SCRT2: variants seen among roughly 807,000 people sequenced by gnomAD.
SCRT2 encodes transcriptional repressor scratch 2.
Under a neutral mutation model 3.7 loss-of-function variants are expected in SCRT2, and 2 were observed. The ratio of observed to expected loss-of-function variants is 0.54; its 90% CI spans 0.22 to 1.70. The LOEUF is 1.70. SCRT2 is among the 40% of genes most tolerant of loss of function. SCRT2 has a pLI of 0.19. For synonymous variants in SCRT2, 256 were observed against 220.6 expected, an observed-to-expected ratio of 1.16 and a Z score of -1.42; for missense variants, 456 against 468.5, an observed-to-expected ratio of 0.97 and a Z score of 0.25.
chr20:665,125 A>G lies in SCRT2; in HGVS notation c.134-664T>C, dbSNP rs533627139. Among the ~76,000 whole-genome samples the G allele has an allele frequency of 3.3e-5, 5 of 152,346 alleles. No individual in the cohort carries two copies. The South Asian group carries it at 1.0e-3, about 32-fold the overall frequency. ...TAATCCCCATTTGATGTGTAAGGAA[A>G]TGAACAAAGGTGGGGGAGCATACAG... On this transcript the variant is annotated intron_variant, in intron 1 of 1. Transcript: ENST00000246104. This position sits in a 1 kb window ranked among gnomAD's most constrained non-coding sequence, Gnocchi z 5.0.
chr20:675,653 C>A lies in SCRT2; in HGVS notation c.-52G>T. 8.2e-7 allele frequency: 1 copy of A among 1,217,074 alleles called. No homozygotes were observed. Among genetic ancestry groups the A allele is most frequent in the South Asian group, 3.7e-5 (1 of 26,780 alleles). 75.4% of individuals were successfully genotyped at this position (1,217,074 alleles called of 1,614,324 possible). The stretch of plus-strand genomic sequence containing the variant: ...GGGGAGGCGGCCGGCCGGGCGCGAT[C>A]GGCTGTGTCCGCGCGGGTTTTCAGC... On this transcript the variant is annotated 5_prime_UTR_variant, in exon 1 of 2. Transcript: ENST00000246104. This position sits in a 1 kb window ranked among gnomAD's most constrained non-coding sequence, Gnocchi z 6.9.
At position 663,863 on chromosome 20, in the gene SCRT2, G is replaced by A. The variant is rs754916635; in HGVS notation, c.732C>T (p.His244=). 9.4e-6 allele frequency: 15 copies of A among 1,598,562 alleles called. No homozygotes were observed. The East Asian group carries it at 1.8e-4, about 19-fold the overall frequency. ...AGCGGTCGGCGAAGGCCTTGCCGCAGTGCGCGCAGCCGAACGGCTTTTCGC... is the reference window on the plus strand; with the variant it reads ...AGCGGTCGGCGAAGGCCTTGCCGCAATGCGCGCAGCCGAACGGCTTTTCGC... ...HTGEKPFGCA[H]CGKAFADRSN... The change falls in exon 2 of 2, where the codon CAC becomes CAT. Residue 244 remains histidine, a synonymous_variant. Coordinates refer to ENST00000246104, the MANE Select transcript of SCRT2 (RefSeq NM_033129.4). The surrounding 1 kb of genome is among the most constrained non-coding windows in gnomAD (Gnocchi z 6.9).
In SCRT2 at chr20:663,747, A is replaced by C; in HGVS notation, c.848T>G (p.Leu283Arg). The C allele has an allele frequency of 6.4e-7, 1 of 1,570,542 alleles. No individual in the cohort carries two copies. Residue 283 changes from leucine to arginine, a missense_variant, in exon 2 of 2, where the codon CTC becomes CGC. By Grantham distance (102) the Leu-to-Arg change is moderately radical (BLOSUM62 -2). Transcript: ENST00000246104. This position sits in a 1 kb window ranked among gnomAD's most constrained non-coding sequence, Gnocchi z 6.9. ...CDKSFALKSY[L>R]HKHCEAACAK... ...GCAGGCCGCCTCGCAGTGCTTGTGG[A>C]GGTAGGACTTGAGCGCGAAGCTCTT...
At position 663,507 on chromosome 20, in the gene SCRT2, G is replaced by A. The variant is rs1384563821; in HGVS notation, c.*164C>T. 4 of 554,858 alleles carry A rather than the reference G, an allele frequency of 7.2e-6. No individual in the cohort carries two copies. Among genetic ancestry groups the A allele is most frequent in the East Asian group, 7.6e-5 (2 of 26,230 alleles). The allele number at this position is 554,858 out of a possible 1,614,324, so 34.4% of individuals were successfully genotyped here. A position where few individuals can be genotyped will look rare whatever the true frequency, so the allele number is the denominator to read the frequency against. On this transcript the variant is annotated 3_prime_UTR_variant, in exon 2 of 2. Coordinates refer to ENST00000246104, the MANE Select transcript of SCRT2 (RefSeq NM_033129.4). The surrounding 1 kb of genome is among the most constrained non-coding windows in gnomAD (Gnocchi z 6.9). ...AAGACGGTGTGGAAGTGAGTCGTGG[G>A]TTTGGGGGTTGGGGAGAAAAGTTCC...
chr20:674,491 C>T (rs1270103009), intron 1 of SCRT2, among the ~76,000 whole-genome samples: 1 of 151,600 alleles, frequency 6.6e-6, no homozygotes, highest in Non-Finnish European at 1.5e-5. Context: ...CAAAGGGACA[C>T]CTCCTCTTCA....
At chr20:673,225 G>A (rs954710436) in intron 1 of SCRT2, among the ~76,000 whole-genome samples, 6 of 152,216 alleles carry the variant, frequency 3.9e-5, no homozygotes, top group African/African-American at 9.6e-5. Flanking sequence ...GCCAGGTGGC[G>A]TATGTTCAGT....
intron 1 of SCRT2, among the ~76,000 whole-genome samples, chr20:669,182 A>G (rs1430622098): frequency 6.6e-6 from 1 of 152,144 alleles, no homozygotes; most frequent in Non-Finnish European, 1.5e-5. Flanking sequence ...GTTGTGGAAA[A>G]TGCTTCAGCC....
Position 666,589 on chromosome 20 carries a change from G to A in SCRT2, c.134-2128C>T, listed in dbSNP as rs911521266. ...TGGTGATGGCACTTGCTCCAGGGGT[G>A]GAGCAAGGATTGGAATCCACTGCCC... On this transcript the variant is annotated intron_variant, in intron 1 of 1. Transcript: ENST00000246104. This position sits in a 1 kb window ranked among gnomAD's most constrained non-coding sequence, Gnocchi z 4.4. 1.3e-5 allele frequency among the ~76,000 whole-genome samples: 2 copies of A among 152,198 alleles called. No individual in the cohort carries two copies. The highest frequency in any genetic ancestry group is 4.8e-5 in the African/African-American group (2 of 41,450).
At position 662,717 on chromosome 20, in the gene SCRT2, C is replaced by T. The variant is rs1983998238; in HGVS notation, c.*954G>A. The T allele has an allele frequency of 6.5e-6, 1 of 152,730 alleles. No homozygotes were observed. The highest frequency in any genetic ancestry group is 2.4e-5 in the African/African-American group (1 of 41,466). 9.5% of individuals were successfully genotyped at this position (152,730 alleles called of 1,614,324 possible). ...ATTGGCGAGGTGCTCCAGACCTCCC[C>T]CCAACAAGTAAGGAAGGGGATCTGT... is the stretch of plus-strand genomic sequence containing the variant. On this transcript the variant is annotated 3_prime_UTR_variant, in exon 2 of 2. Transcript: ENST00000246104.
rs764934404 is a variant in SCRT2 at position 664,228 on chromosome 20, C to CCCG, written c.364_366dup (p.Arg122dup). On this transcript the variant is annotated inframe_insertion, in exon 2 of 2. Transcript: ENST00000246104. The surrounding 1 kb of genome is among the most constrained non-coding windows in gnomAD (Gnocchi z 7.9). ...CCCCCCGCGTCCCCGCCGCCCCCGC[C>CCCG]CCGCCGCCGCCGCGAGCGCCCGTCC... The CCCG allele has an allele frequency of 2.5e-5, 33 of 1,299,452 alleles. No individual in the cohort carries two copies. Among genetic ancestry groups the CCCG allele is most frequent in the South Asian group, 7.1e-5 (3 of 42,358 alleles). 80.5% of individuals were successfully genotyped at this position (1,299,452 alleles called of 1,614,324 possible).
In SCRT2 at chr20:664,633, C is replaced by T. The variant is rs1274362668; in HGVS notation, c.134-172G>A. Among the ~76,000 whole-genome samples the T allele has an allele frequency of 6.6e-6, 1 of 152,236 alleles. No homozygotes were observed. Among genetic ancestry groups the T allele is most frequent in the Admixed American group, 6.5e-5 (1 of 15,280 alleles). ...CCTGTCAGGCAGCCTGGGTTCAATT[C>T]CTTCCTCCATCGACGGCAGTGCAAA... is the stretch of plus-strand genomic sequence containing the variant. On this transcript the variant is annotated intron_variant, in intron 1 of 1. Transcript: ENST00000246104. The surrounding 1 kb of genome is among the most constrained non-coding windows in gnomAD (Gnocchi z 7.9).
intron 1 of SCRT2, among the ~76,000 whole-genome samples, chr20:668,457 A>T (rs533440703): frequency 5.9e-5 from 9 of 152,304 alleles, no homozygotes; most frequent in African/African-American, 2.2e-4. Flanking sequence ...TCCCACAGAG[A>T]TAGGGATGAG....
intron 1 of SCRT2, among the ~76,000 whole-genome samples, chr20:674,415 A>T (rs374313746): frequency 0.23 from 31,207 of 135,014 alleles, 4,380 homozygotes; most frequent in Non-Finnish European, 0.31. Flanking sequence ...ACACACACAC[A>T]CACACACACA....
chr20:671,747 A>G (rs1352115897), intron 1 of SCRT2, among the ~76,000 whole-genome samples: 1 of 152,194 alleles, frequency 6.6e-6, no homozygotes, highest in Non-Finnish European at 1.5e-5. Flanking sequence ...ATGTAGCTGC[A>G]GAGGGCAGAC....
intron 1 of SCRT2, among the ~76,000 whole-genome samples, chr20:672,885 C>T (rs1040217588): frequency 2.6e-5 from 4 of 151,966 alleles, no homozygotes; most frequent in Non-Finnish European, 5.9e-5. Context: ...CTCAAATGCT[C>T]AGCAAGGTTA....
rs1984296070 is a variant in SCRT2, at chr20:670,430, T to C, written c.133+5039A>G. ...CAGTAGACGCTTCACTTCAGGGGAG[T>C]CCACAGCTGGGAAAGAGACCAAGAG... On this transcript the variant is annotated intron_variant, in intron 1 of 1. Coordinates refer to ENST00000246104, the MANE Select transcript of SCRT2 (RefSeq NM_033129.4). Among the ~76,000 whole-genome samples, 2 of 150,684 alleles carry C rather than the reference T, an allele frequency of 1.3e-5. 1 individual carries two copies. The highest frequency in any genetic ancestry group is 4.3e-4 in the South Asian group (2 of 4,704).
At chr20:669,455 C>A (rs1460158797) in intron 1 of SCRT2, among the ~76,000 whole-genome samples, 1 of 152,186 alleles carries the variant, frequency 6.6e-6, no homozygotes, top group Non-Finnish European at 1.5e-5. Flanking sequence ...TTTCCCCAGT[C>A]TCTCCCAGAC....
Position 663,702 on chromosome 20 carries a change from G to A in SCRT2, c.893C>T (p.Pro298Leu). 6.6e-7 allele frequency: 1 copy of A among 1,519,266 alleles called. No homozygotes were observed. 94.1% of individuals were successfully genotyped at this position (1,519,266 alleles called of 1,614,324 possible). ...EAACAKAAEP[P>L]PPTPAGPAS is the part of the protein sequence containing the mutation. ...GGCCGGGCCGGCGGGGGTCGGCGGGGGTGGCTCGGCCGCCTTGGCGCAGGC... is the reference window on the plus strand; with the variant it reads ...GGCCGGGCCGGCGGGGGTCGGCGGGAGTGGCTCGGCCGCCTTGGCGCAGGC... The change falls in exon 2 of 2, where the codon CCC becomes CTC. Residue 298 changes from proline to leucine, a missense_variant. Transcript: ENST00000246104. This position sits in a 1 kb window ranked among gnomAD's most constrained non-coding sequence, Gnocchi z 6.9.
At chr20:670,567 C>T (rs1319776054) in intron 1 of SCRT2, among the ~76,000 whole-genome samples, 1 of 152,226 alleles carries the variant, frequency 6.6e-6, no homozygotes, top group African/African-American at 2.4e-5. Flanking sequence ...CGTTTATGCT[C>T]TTGTGACTTT....
Sources: gnomAD v4.1 joint callset for allele counts (sites outside exome capture counted in the v4.1 genomes callset) on GRCh38, gnomAD v4.1.1 for gene constraint, Gnocchi (gnomAD v3.1) non-coding constraint, MANE v1.5 for transcripts, NCBI Gene and HGNC (gene_info 2026-07-23, HGNC 2026-07-21) for gene names.